The following CEP57L1 variants were observed in gnomAD, a reference collection of about 807,000 sequenced individuals.
CEP57L1 encodes centrosomal protein 57 like 1.
CEP57L1 carries 37 observed loss-of-function variants against 61.0 expected under a neutral mutation model. The ratio of observed to expected loss-of-function variants is 0.61; its 90% CI spans 0.47 to 0.80. The LOEUF (loss-of-function observed/expected upper bound fraction) is 0.80. Among genes scored for constraint, CEP57L1 ranks in the 30% least tolerant of loss-of-function variants. The pLI, the probability that CEP57L1 is intolerant of heterozygous loss-of-function variation, is 0.00. For synonymous variants in CEP57L1, 137 were observed against 162.3 expected (o/e 0.84, Z 1.19); for missense variants, 422 against 524.7 (o/e 0.80, Z 1.91).
At chr6:109,114,869 A>G (rs749286099) in intron 1 of CEP57L1, among the ~76,000 whole-genome samples, 3 of 152,164 alleles carry the variant, frequency 2.0e-5, no homozygotes, top group Non-Finnish European at 2.9e-5. Context: ...CTACAAAGAG[A>G]TGGTAAATAT....
intron 1 of CEP57L1, among the ~76,000 whole-genome samples, chr6:109,132,615 C>CTAGATTGTAA (rs1246465672): frequency 6.6e-6 from 1 of 152,090 alleles, no homozygotes; most frequent in Non-Finnish European, 1.5e-5. Context: ...GACTTATTCG[C>CTAGATTGTAA]TAGATTGTAA....
At chr6:109,102,455 G>C (rs894004832) in intron 1 of CEP57L1, among the ~76,000 whole-genome samples, 16 of 152,108 alleles carry the variant, frequency 1.1e-4, no homozygotes, top group Non-Finnish European at 2.2e-4. Context: ...TCTGTGGCTT[G>C]TCTGTTCATT....
intron 1 of CEP57L1, among the ~76,000 whole-genome samples, chr6:109,125,525 T>TACACATATATATATATA (rs11454984): frequency 9.3e-6 from 1 of 107,546 alleles, no homozygotes; most frequent in African/African-American, 3.7e-5. Flanking sequence ...TATATATATA[T>TACACATATATATATATA]TTTTTTTTTA....
Position 109,167,681 on chromosome 6 carries a change from CA to C in CEP57L1, c.*4722del, listed in dbSNP as rs573024481. On this transcript the variant is annotated 3_prime_UTR_variant, in exon 11 of 11. Transcript: ENST00000517392. ...AACAGAGCAAGACTCTGCCTCAAAG[CA>C]AAAAAAAAAAGAAAAGAAAAGAAAA... Among the ~76,000 whole-genome samples, 93 of 126,962 alleles carry C rather than the reference CA, an allele frequency of 7.3e-4. No homozygotes were observed. Among genetic ancestry groups the C allele is most frequent in the Non-Finnish European group, 5.1e-4 (30 of 58,984 alleles). 83.3% of individuals were successfully genotyped at this position (126,962 alleles called of 152,430 possible). A position where few individuals can be genotyped will look rare whatever the true frequency, so the allele number is the denominator to read the frequency against.
rs560593200 is a variant in CEP57L1 at position 109,104,324 on chromosome 6, T to A, written c.-4+8749T>A. 9.3e-4 allele frequency among the ~76,000 whole-genome samples: 142 copies of A among 151,880 alleles called. 1 individual carries two copies. The highest frequency in any genetic ancestry group is 1.6e-3 in the African/African-American group (68 of 41,382). On this transcript the variant is annotated intron_variant, in intron 1 of 10. Coordinates refer to ENST00000517392, the MANE Select transcript of CEP57L1 (RefSeq NM_001271852.3). ...AATGTATATTTATTTAAAAAAAAAA[T>A]TTTTTTCTGTTGCAATCAGTGCAGC...
Position 109,159,478 on chromosome 6 carries a change from CT to C in CEP57L1, c.1016+27del, listed in dbSNP as rs112767815. The C allele has an allele frequency of 0.011, 12,347 of 1,159,772 alleles. 17 individuals carry two copies. The highest frequency in any genetic ancestry group is 0.029 in the African/African-American group (1,832 of 63,716). The allele number at this position is 1,159,772 out of a possible 1,614,324, so 71.8% of individuals were successfully genotyped here. ...AAATGAGCATGTAAGTATTTATATT[CT>C]TTTTTTTTTTCAAGAGACAGTGTCT... On this transcript the variant is annotated intron_variant, in intron 9 of 10. Transcript: ENST00000517392.
chr6:109,114,446 TG>T (rs1166596459), intron 1 of CEP57L1, among the ~76,000 whole-genome samples: 1 of 152,118 alleles, frequency 6.6e-6, no homozygotes, highest in Non-Finnish European at 1.5e-5. Context: ...TTGTATATTT[TG>T]GGTGTTAGCC....
intron 1 of CEP57L1, among the ~76,000 whole-genome samples, chr6:109,117,632 T>C (rs753689431): frequency 1.1e-4 from 16 of 152,216 alleles, no homozygotes; most frequent in Non-Finnish European, 1.9e-4. Flanking sequence ...TTTCCAGCTC[T>C]AAGCACAAAG....
intron 1 of CEP57L1, among the ~76,000 whole-genome samples, chr6:109,098,637 T>C (rs577233788): frequency 2.6e-5 from 4 of 151,818 alleles, no homozygotes; most frequent in African/African-American, 9.7e-5. Flanking sequence ...TAACTGAAAT[T>C]ACATAACTGA....
chr6:109,099,059 G>C (rs142304027), intron 1 of CEP57L1, among the ~76,000 whole-genome samples: 202 of 152,326 alleles, frequency 1.3e-3, no homozygotes, highest in African/African-American at 4.7e-3. Flanking sequence ...ATGGGAGAGA[G>C]AGGAAAGGTT....
At chr6:109,108,330 T>A (rs1771180025) in intron 1 of CEP57L1, among the ~76,000 whole-genome samples, 1 of 151,298 alleles carries the variant, frequency 6.6e-6, no homozygotes, top group Non-Finnish European at 1.5e-5. Flanking sequence ...AACCTCTGCC[T>A]CCAGTGTTCA....
At chr6:109,103,841 T>C (rs1341834853) in intron 1 of CEP57L1, among the ~76,000 whole-genome samples, 1 of 152,188 alleles carries the variant, frequency 6.6e-6, no homozygotes, top group East Asian at 1.9e-4. Flanking sequence ...GATTTTATTC[T>C]TATTTTTCTA....
In CEP57L1 at chr6:109,169,509, T is replaced by C. The variant is rs952324657; in HGVS notation, c.*6539T>C. ...AATATTGTTTCATGTGTTTTACAGA[T>C]AACAAGTCTCATTTTAATCAATACT... On this transcript the variant is annotated 3_prime_UTR_variant, in exon 11 of 11. Coordinates refer to ENST00000517392, the MANE Select transcript of CEP57L1 (RefSeq NM_001271852.3). Among the ~76,000 whole-genome samples, 3 of 152,216 alleles carry C rather than the reference T, an allele frequency of 2.0e-5. No individual in the cohort carries two copies. Among genetic ancestry groups the C allele is most frequent in the Non-Finnish European group, 2.9e-5 (2 of 68,028 alleles).
At chr6:109,127,369 C>CT (rs1773678594) in intron 1 of CEP57L1, among the ~76,000 whole-genome samples, 1 of 151,980 alleles carries the variant, frequency 6.6e-6, no homozygotes, top group Admixed American at 6.6e-5. Context: ...TTGTGTGAGT[C>CT]TTTTTTCAAC....
chr6:109,096,904 TTCA>T (rs1477586174), intron 1 of CEP57L1, among the ~76,000 whole-genome samples: 67 of 152,216 alleles, frequency 4.4e-4, no homozygotes, highest in Non-Finnish European at 4.0e-4. Context: ...TACCCATGGC[TTCA>T]CCAACACCTA....
chr6:109,098,997 T>C (rs1263876219), intron 1 of CEP57L1, among the ~76,000 whole-genome samples: 1 of 152,154 alleles, frequency 6.6e-6, no homozygotes, highest in African/African-American at 2.4e-5. Context: ...CCTGAGTAAC[T>C]AGAATGGAGG....
At chr6:109,160,976 T>C (rs962927480) in intron 10 of CEP57L1, among the ~76,000 whole-genome samples, 1 of 152,136 alleles carries the variant, frequency 6.6e-6, no homozygotes, top group South Asian at 2.1e-4. Flanking sequence ...TTTGGGGAAA[T>C]TGTGAGGCAG....
At chr6:109,118,317 G>C (rs113035727) in intron 1 of CEP57L1, among the ~76,000 whole-genome samples, 3 of 152,220 alleles carry the variant, frequency 2.0e-5, no homozygotes, top group Non-Finnish European at 4.4e-5. Context: ...GATTACAGGC[G>C]TGAGCCTGGC....
chr6:109,095,575 G>A lies in CEP57L1; in HGVS notation c.-4G>A, dbSNP rs981603205. The stretch of plus-strand genomic sequence containing the variant: ...AGGGGCTGACTGAGAGCGTCTGCTT[G>A]GTAAGCACTGTAAGCTGGGTTGTCA... On this transcript the variant is annotated splice_region_variant and 5_prime_UTR_variant, in exon 1 of 11. Transcript: ENST00000517392. 17 of 985,802 alleles carry A rather than the reference G, an allele frequency of 1.7e-5. No individual in the cohort carries two copies. The highest frequency in any genetic ancestry group is 2.0e-5 in the Non-Finnish European group (17 of 829,914). The allele number at this position is 985,802 out of a possible 1,614,324, so 61.1% of individuals were successfully genotyped here.
Sources: gnomAD v4.1 joint callset for allele counts (sites outside exome capture counted in the v4.1 genomes callset) on GRCh38, gnomAD v4.1.1 for gene constraint, MANE v1.5 for transcripts, NCBI Gene and HGNC (gene_info 2026-07-23, HGNC 2026-07-21) for gene names.